The following LPAR1 variants were observed in gnomAD, a reference collection of about 807,000 sequenced individuals.
LPAR1 encodes LPA receptor 1.
A neutral mutation model predicts 23.8 loss-of-function variants in LPAR1; 5 were observed. The observed-to-expected ratio is 0.21, with a 90% CI of 0.11 to 0.44. The LOEUF is 0.44. Among genes scored for constraint, LPAR1 ranks in the 20% least tolerant of loss-of-function variants. The pLI, the probability that LPAR1 is intolerant of heterozygous loss-of-function variation, is 0.99. For synonymous variants in LPAR1, 160 were observed against 164.7 expected (o/e 0.97, Z 0.22); for missense variants, 311 against 482.8 (o/e 0.64, Z 3.33).
intron 2 of LPAR1, among the ~76,000 whole-genome samples, chr9:111,034,680 T>C (rs529414721): frequency 2.6e-5 from 4 of 152,298 alleles, no homozygotes; most frequent in Non-Finnish European, 5.9e-5. Context: ...TGTAATGGAA[T>C]AAAAGCCCAG....
At chr9:110,936,821 C>A (rs1027236467) in intron 5 of LPAR1, among the ~76,000 whole-genome samples, 3 of 152,146 alleles carry the variant, frequency 2.0e-5, no homozygotes, top group Non-Finnish European at 4.4e-5. Flanking sequence ...TGGATCTCCT[C>A]CTCTCTAAGT....
intron 4 of LPAR1, among the ~76,000 whole-genome samples, chr9:110,968,019 A>G (rs1488272684): frequency 6.6e-6 from 1 of 152,218 alleles, no homozygotes; most frequent in Non-Finnish European, 1.5e-5. Flanking sequence ...GAATAATGCA[A>G]CTACCCTGGT....
intron 4 of LPAR1, among the ~76,000 whole-genome samples, chr9:110,954,696 G>A (rs2095678594): frequency 6.6e-6 from 1 of 151,744 alleles, no homozygotes; most frequent in African/African-American, 2.4e-5. Flanking sequence ...TGCTGAAGGA[G>A]GAAAAAAACA....
chr9:110,970,858 G>A (rs1358803805), intron 4 of LPAR1, among the ~76,000 whole-genome samples: 7 of 152,158 alleles, frequency 4.6e-5, no homozygotes, highest in Admixed American at 2.0e-4. Flanking sequence ...GCCCGAGGCC[G>A]GGCACAGTGG....
At chr9:110,995,524 C>G (rs2096981910) in intron 2 of LPAR1, among the ~76,000 whole-genome samples, 1 of 152,104 alleles carries the variant, frequency 6.6e-6, no homozygotes, top group African/African-American at 2.4e-5. Context: ...CAATACCTCT[C>G]TAAAACAGTA....
chr9:111,005,546 CAAAAAAAA>C (rs60143050), intron 2 of LPAR1, among the ~76,000 whole-genome samples: 163 of 70,336 alleles, frequency 2.3e-3, no homozygotes, highest in African/African-American at 8.3e-3. Flanking sequence ...GACCCTGTCT[CAAAAAAAA>C]AAAAAAAAAA....
chr9:110,930,197 T>A (rs548423923), intron 5 of LPAR1, among the ~76,000 whole-genome samples: 4 of 152,286 alleles, frequency 2.6e-5, no homozygotes, highest in African/African-American at 9.6e-5. Context: ...TTCTTCTCCA[T>A]AGGATGTTAA....
At chr9:111,012,152 G>C (rs2140646031) in intron 2 of LPAR1, among the ~76,000 whole-genome samples, 1 of 152,302 alleles carries the variant, frequency 6.6e-6, no homozygotes, top group East Asian at 1.9e-4. Flanking sequence ...TCAGGTAGCT[G>C]AGGTAAGAGA....
At chr9:110,877,510 G>A (rs1032255313) in intron 5 of LPAR1, among the ~76,000 whole-genome samples, 1 of 152,108 alleles carries the variant, frequency 6.6e-6, no homozygotes, top group African/African-American at 2.4e-5. Context: ...CACTCAGAAA[G>A]CTAAACATAA....
At chr9:111,020,636 A>G (rs534879082) in intron 2 of LPAR1, among the ~76,000 whole-genome samples, 2 of 152,142 alleles carry the variant, frequency 1.3e-5, no homozygotes, top group South Asian at 4.2e-4. Context: ...CCCTAACCCC[A>G]TGACCCCAGC....
At chr9:110,966,065 A>G (rs1313315328) in intron 4 of LPAR1, among the ~76,000 whole-genome samples, 1 of 152,200 alleles carries the variant, frequency 6.6e-6, no homozygotes, top group Non-Finnish European at 1.5e-5. Context: ...CATAAGTGGG[A>G]GATGAACAAT....
intron 2 of LPAR1, among the ~76,000 whole-genome samples, chr9:111,024,115 A>T (rs2097630570): frequency 6.6e-6 from 1 of 152,176 alleles, no homozygotes; most frequent in Non-Finnish European, 1.5e-5. Flanking sequence ...CCATATGCAC[A>T]ATGCATACCA....
intron 5 of LPAR1, among the ~76,000 whole-genome samples, chr9:110,887,899 T>C (rs928860860): frequency 3.9e-5 from 6 of 152,214 alleles, no homozygotes; most frequent in African/African-American, 7.2e-5. Context: ...AATACAATTA[T>C]GCATGTGCAA....
chr9:110,935,835 C>T (rs935652591), intron 5 of LPAR1, among the ~76,000 whole-genome samples: 5 of 152,146 alleles, frequency 3.3e-5, no homozygotes, highest in African/African-American at 9.7e-5. Flanking sequence ...CTTGGGGAAC[C>T]CTTCATCGTC....
chr9:111,016,546 C>T (rs1380316401), intron 2 of LPAR1, among the ~76,000 whole-genome samples: 1 of 152,198 alleles, frequency 6.6e-6, no homozygotes, highest in Non-Finnish European at 1.5e-5. Context: ...AAAGACTCCA[C>T]AAAATCCGTG....
At chr9:110,888,251 T>C (rs184514924) in intron 5 of LPAR1, among the ~76,000 whole-genome samples, 65 of 152,332 alleles carry the variant, frequency 4.3e-4, no homozygotes, top group Non-Finnish European at 7.6e-4. Context: ...TTCTGTGTCA[T>C]ATTCGAAGCA....
chr9:110,986,353 C>A (rs1179120980), intron 2 of LPAR1, among the ~76,000 whole-genome samples: 1 of 152,050 alleles, frequency 6.6e-6, no homozygotes, highest in Admixed American at 6.6e-5. Context: ...CTCTTCCAAC[C>A]ACAGATGAGT....
intron 5 of LPAR1, among the ~76,000 whole-genome samples, chr9:110,895,701 C>T (rs2086088464): frequency 1.3e-5 from 2 of 152,136 alleles, no homozygotes; most frequent in Admixed American, 1.3e-4. Context: ...TGCACTCTGG[C>T]CACCTCGGTA....
chr9:110,907,870 T>C (rs765136573), intron 5 of LPAR1, among the ~76,000 whole-genome samples: 2 of 151,654 alleles, frequency 1.3e-5, no homozygotes, highest in Non-Finnish European at 2.9e-5. Context: ...ATCGGTTTAA[T>C]TGTTCTAACT....
Sources: gnomAD v4.1 joint callset for allele counts (sites outside exome capture counted in the v4.1 genomes callset) on GRCh38, gnomAD v4.1.1 for gene constraint, MANE v1.5 for transcripts, NCBI Gene and HGNC (gene_info 2026-07-23, HGNC 2026-07-21) for gene names.